Variants in ARHGEF7 observed in about 807,000 individuals in gnomAD.
ARHGEF7 encodes Rho guanine nucleotide exchange factor 7.
ARHGEF7 carries 33 observed loss-of-function variants against 109.8 expected under a neutral mutation model. The ratio of observed to expected loss-of-function variants is 0.30; its 90% CI spans 0.23 to 0.40. The LOEUF is 0.40. Ranked by LOEUF, ARHGEF7 falls within the 10% of genes least tolerant of loss-of-function variation. ARHGEF7 has a pLI of 1.00. For synonymous variants in ARHGEF7, 458 were observed against 424.6 expected, an observed-to-expected ratio of 1.08 and a Z score of -0.97; for missense variants, 938 against 1,098.5, an observed-to-expected ratio of 0.85 and a Z score of 2.07.
chr13:111,165,183 G>T (rs1248481546), intron 2 of ARHGEF7, among the ~76,000 whole-genome samples: 1 of 152,194 alleles, frequency 6.6e-6, no homozygotes, highest in East Asian at 1.9e-4. Context: ...TACTTGTAAG[G>T]TTCCTTCAAA....
chr13:111,268,490 G>A (rs1461921448), intron 9 of ARHGEF7, among the ~76,000 whole-genome samples: 3 of 152,288 alleles, frequency 2.0e-5, no homozygotes, highest in South Asian at 2.1e-4. Flanking sequence ...AAATGCCATT[G>A]TCTTTCTAAC....
chr13:111,243,072 A>G (rs187298140), intron 6 of ARHGEF7, among the ~76,000 whole-genome samples: 30 of 152,356 alleles, frequency 2.0e-4, no homozygotes, highest in Admixed American at 3.3e-4. Flanking sequence ...TTATTCTGCT[A>G]TCTTTAAATG....
intron 6 of ARHGEF7, among the ~76,000 whole-genome samples, chr13:111,235,842 G>A (rs2086733408): frequency 6.6e-6 from 1 of 152,212 alleles, no homozygotes; most frequent in Non-Finnish European, 1.5e-5. Context: ...TAAGGTCTGG[G>A]TGTTTTTAAC....
Position 111,199,488 on chromosome 13 carries a change from T to A in ARHGEF7, c.253-5801T>A, listed in dbSNP as rs189902866. ...GCACAGGTGACTATAAGCTCCCTGA[T>A]GTTGCCTGTGCATACTTGTAAGGTT... On this transcript the variant is annotated intron_variant, in intron 2 of 21. Coordinates refer to ENST00000646102, the MANE Select transcript of ARHGEF7 (RefSeq NM_001354046.2). Among the ~76,000 whole-genome samples, 4 of 152,332 alleles carry A rather than the reference T, an allele frequency of 2.6e-5. No homozygotes were observed. The East Asian group carries it at 7.7e-4, about 29-fold the overall frequency.
chr13:111,278,767 C>G (rs185973489), intron 13 of ARHGEF7, among the ~76,000 whole-genome samples: 1 of 152,194 alleles, frequency 6.6e-6, no homozygotes, highest in Non-Finnish European at 1.5e-5. Context: ...TATCTGGCTT[C>G]CGATTTTATA....
chr13:111,195,313 G>T lies in ARHGEF7; in HGVS notation c.253-9976G>T, dbSNP rs559384565. ...CATATTCGTGTAGATAATAGCTCCA[G>T]CTTTGGCTAATATATCCCTCCCTAA... On this transcript the variant is annotated intron_variant, in intron 2 of 21. Transcript: ENST00000646102. Among the ~76,000 whole-genome samples the T allele has an allele frequency of 7.2e-5, 11 of 152,278 alleles. No homozygotes were observed. The East Asian group carries it at 1.7e-3, about 24-fold the overall frequency.
Position 111,258,660 on chromosome 13 carries a change from C to T in ARHGEF7, c.951-8888C>T, listed in dbSNP as rs1647838554. Among the ~76,000 whole-genome samples the T allele has an allele frequency of 6.6e-6, 1 of 152,108 alleles. No individual in the cohort carries two copies. Among genetic ancestry groups the T allele is most frequent in the Admixed American group, 6.5e-5 (1 of 15,290 alleles). ...CTTCAAATGTGACCCAGAGCACATTCCCAGCTGTGGTGGCTACAGGGAGGG... is the reference window on the plus strand; with the variant it reads ...CTTCAAATGTGACCCAGAGCACATTTCCAGCTGTGGTGGCTACAGGGAGGG... On this transcript the variant is annotated intron_variant, in intron 8 of 21. Coordinates refer to ENST00000646102, the MANE Select transcript of ARHGEF7 (RefSeq NM_001354046.2). The surrounding 1 kb of genome is among the most constrained non-coding windows in gnomAD (Gnocchi z 4.4).
At chr13:111,186,853 A>G (rs1465305240) in intron 2 of ARHGEF7, 1 of 985,310 alleles carries the variant, frequency 1.0e-6, no homozygotes, top group Non-Finnish European at 1.2e-6. Flanking sequence ...GTCAGTATTG[A>G]GATGGTGGAA....
chr13:111,162,229 T>G (rs187354341), intron 2 of ARHGEF7, among the ~76,000 whole-genome samples: 236 of 152,400 alleles, frequency 1.5e-3, no homozygotes, highest in Non-Finnish European at 2.7e-3. Context: ...AAACTTGTTA[T>G]GGATAAACAT....
At chr13:111,117,470 G>A (rs1218335389) in intron 1 of ARHGEF7, among the ~76,000 whole-genome samples, 1 of 152,160 alleles carries the variant, frequency 6.6e-6, no homozygotes, top group African/African-American at 2.4e-5. Flanking sequence ...CAGTTGGTTT[G>A]TGTTAAACTG....
intron 8 of ARHGEF7, among the ~76,000 whole-genome samples, chr13:111,260,649 G>A (rs1010738054): frequency 2.0e-5 from 3 of 152,198 alleles, no homozygotes; most frequent in Non-Finnish European, 4.4e-5. Context: ...ATGTTAGTGA[G>A]CAATAAGAAA....
At chr13:111,127,673 AGAAG>A (rs71127996) in intron 1 of ARHGEF7, among the ~76,000 whole-genome samples, 55 of 106,648 alleles carry the variant, frequency 5.2e-4, no homozygotes, top group African/African-American at 1.4e-3. Context: ...AAAAAAAAAA[AGAAG>A]GAAGGAAGGA....
intron 8 of ARHGEF7, among the ~76,000 whole-genome samples, chr13:111,248,349 G>A (rs758369645): frequency 6.6e-6 from 1 of 151,832 alleles, no homozygotes; most frequent in African/African-American, 2.4e-5. Flanking sequence ...TTAGGTTTTT[G>A]GCATTTTGAC....
chr13:111,252,621 T>A, intron 8 of ARHGEF7, among the ~76,000 whole-genome samples: 1 of 152,260 alleles, frequency 6.6e-6, no homozygotes, highest in African/African-American at 2.4e-5. Context: ...ATGGCTGCCT[T>A]ACTATAAATA....
At chr13:111,211,772 G>A (rs2082527957) in intron 4 of ARHGEF7, among the ~76,000 whole-genome samples, 1 of 152,196 alleles carries the variant, frequency 6.6e-6, no homozygotes, top group Admixed American at 6.5e-5. Context: ...CTTGAAACAA[G>A]AATGGCCTAA....
chr13:111,192,997 G>A (rs2080079716), intron 2 of ARHGEF7, among the ~76,000 whole-genome samples: 1 of 152,186 alleles, frequency 6.6e-6, no homozygotes, highest in South Asian at 2.1e-4. Flanking sequence ...GACTTATGAT[G>A]GACCAAGGGA....
intron 5 of ARHGEF7, among the ~76,000 whole-genome samples, chr13:111,220,655 G>A (rs1225251384): frequency 1.3e-5 from 2 of 152,084 alleles, no homozygotes; most frequent in Non-Finnish European, 2.9e-5. Flanking sequence ...GTGAGCCCCC[G>A]CTTTTGAGTG....
chr13:111,249,001 T>C lies in ARHGEF7; in HGVS notation c.950+4707T>C, dbSNP rs117186771. Among the ~76,000 whole-genome samples, 577 of 152,334 alleles carry C rather than the reference T, an allele frequency of 3.8e-3. 4 individuals are homozygous for C. Among genetic ancestry groups the C allele is most frequent in the Non-Finnish European group, 6.3e-3 (428 of 68,030 alleles). ...AATTGCCAACTCTCCCTTTGGCAGA[T>C]GCTCAAATCTCAGTCCACTTATTTT... On this transcript the variant is annotated intron_variant, in intron 8 of 21. Transcript: ENST00000646102.
At chr13:111,216,045 GTTTAA>G (rs542296028) in intron 4 of ARHGEF7, among the ~76,000 whole-genome samples, 1 of 152,110 alleles carries the variant, frequency 6.6e-6, no homozygotes, top group Non-Finnish European at 1.5e-5. Flanking sequence ...GTTTTCAGAA[GTTTAA>G]TTTATGGTAT....
Sources: gnomAD v4.1 joint callset for allele counts (sites outside exome capture counted in the v4.1 genomes callset) on GRCh38, gnomAD v4.1.1 for gene constraint, Gnocchi (gnomAD v3.1) non-coding constraint, MANE v1.5 for transcripts, NCBI Gene and HGNC (gene_info 2026-07-23, HGNC 2026-07-21) for gene names.